Variants in ECM2 observed in about 807,000 individuals in gnomAD.
ECM2 encodes the protein extracellular matrix protein 2.
In ECM2, 57 loss-of-function variants were observed where a neutral mutation model predicts 67.5. The ratio of observed to expected loss-of-function variants is 0.84; its 90% CI spans 0.68 to 1.05. ECM2 has a LOEUF of 1.05. Ranked by LOEUF, ECM2 falls within the 50% of genes least tolerant of loss-of-function variation. The pLI, the probability that ECM2 is intolerant of heterozygous loss-of-function variation, is 0.00. For missense variants in ECM2, 741 were observed against 822.8 expected (o/e 0.90, Z 1.22); for synonymous variants, 258 against 294.5 (o/e 0.88, Z 1.27).
chr9:92,500,715 G>A lies in ECM2; in HGVS notation c.1931+12C>T. 6.3e-7 allele frequency: 1 copy of A among 1,594,646 alleles called. No individual in the cohort carries two copies. On this transcript the variant is annotated intron_variant, in intron 9 of 9. Transcript: ENST00000344604. ...AAAATTTAAACAGATACTTGAAAAA[G>A]CCAAAATTTACCGTATCTTGTTGTT...
At chr9:92,525,488 A>G (rs868743843) in intron 1 of ECM2, among the ~76,000 whole-genome samples, 1 of 152,236 alleles carries the variant, frequency 6.6e-6, no homozygotes, top group Non-Finnish European at 1.5e-5. Context: ...AATGGAGCTG[A>G]AAATCTCTTA....
At position 92,519,756 on chromosome 9, in the gene ECM2, G is replaced by C. The variant is rs540613190; in HGVS notation, c.293-1881C>G. ...AAAATCCATAGGGGAAAATCTTTAT[G>C]ACCTCATATTTGGCAGTGGATTCTT... On this transcript the variant is annotated intron_variant, in intron 2 of 9. Transcript: ENST00000344604. 2.6e-5 allele frequency among the ~76,000 whole-genome samples: 4 copies of C among 152,244 alleles called. No homozygotes were observed. In the East Asian group the frequency reaches 7.7e-4, roughly 29 times the overall value.
At position 92,500,998 on chromosome 9, in the gene ECM2, G is replaced by C; in HGVS notation, c.1660C>G (p.Leu554Val). Reference protein sequence around the residue: ...YNKLYHVPSYLPKSLLHLVLL... With the variant: ...YNKLYHVPSYVPKSLLHLVLL... ...ACTAGGTGCAGCAAGGACTTGGGTA[G>C]ATAGGACGGGACGTGATAGAGCTTG... The change falls in exon 9 of 10, where the codon CTA (leucine) becomes GTA (valine). Residue 554 changes from leucine to valine, a missense_variant. By Grantham distance (32) the Leu-to-Val change is conservative. Transcript: ENST00000344604. 1 of 1,614,204 alleles carries C rather than the reference G, an allele frequency of 6.2e-7. No homozygotes were observed. The highest frequency in any genetic ancestry group is 8.5e-7 in the Non-Finnish European group (1 of 1,180,046).
downstream of ECM2, chr9:92,494,198 G>C: frequency 3.8e-6 from 6 of 1,564,344 alleles, no homozygotes; most frequent in Non-Finnish European, 5.2e-6. Flanking sequence ...TTTAGTATCT[G>C]TCTCTGTGTC....
Position 92,513,988 on chromosome 9 carries a change from TA to T in ECM2, c.1054+642del, listed in dbSNP as rs1166541421. Among the ~76,000 whole-genome samples, 10 of 152,354 alleles carry T rather than the reference TA, an allele frequency of 6.6e-5. No homozygotes were observed. In the East Asian group the frequency reaches 1.9e-3, roughly 29 times the overall value. ...GATTTGGAGGAGTTTGCTTTATACCTAACTGCTATTCTGCAGTAAACAGCTA... is the reference window on the plus strand; with the variant it reads ...GATTTGGAGGAGTTTGCTTTATACCTACTGCTATTCTGCAGTAAACAGCTA... On this transcript the variant is annotated intron_variant, in intron 4 of 9. Coordinates refer to ENST00000344604, the MANE Select transcript of ECM2 (RefSeq NM_001393.4).
chr9:92,500,621 AT>A (rs999331068), intron 9 of ECM2, 105 bp downstream of exon 9: 802 of 1,159,834 alleles, frequency 6.9e-4, no homozygotes, highest in Middle Eastern at 1.4e-3. Flanking sequence ...CCTTAGCACC[AT>A]TTTTTTTTCC....
chr9:92,498,272 G>A (rs1261182478), intron 9 of ECM2, among the ~76,000 whole-genome samples: 3 of 152,024 alleles, frequency 2.0e-5, no homozygotes, highest in Non-Finnish European at 4.4e-5. Context: ...TTTAACCTAT[G>A]GGAAGGATCA....
upstream of ECM2, chr9:92,536,553 A>T (rs1588253213): frequency 6.5e-6 from 1 of 152,752 alleles, no homozygotes; most frequent in East Asian, 1.9e-4. Flanking sequence ...TCTAACCATG[A>T]AATAATAGAA....
At chr9:92,550,385 G>T in the ECM2 span, among the ~76,000 whole-genome samples, 8 of 131,144 alleles carry the variant, frequency 6.1e-5, no homozygotes, top group African/African-American at 2.9e-4. Flanking sequence ...GACAGAGTGA[G>T]ACTCTGTCTC....
At position 92,502,562 on chromosome 9, in the gene ECM2, T is replaced by C. The variant is rs764609712; in HGVS notation, c.1555A>G (p.Asn519Asp). 6.2e-7 allele frequency: 1 copy of C among 1,612,620 alleles called. No individual in the cohort carries two copies. Among genetic ancestry groups the C allele is most frequent in the Admixed American group, 1.7e-5 (1 of 59,766 alleles). ...RKINVIVLRY[N>D]KIEENRIAPL... ...GCAATCCTATTTTCTTCAATTTTGTTATAACGTAGTACAATGACATTGATC... is the reference window on the plus strand; with the variant it reads ...GCAATCCTATTTTCTTCAATTTTGTCATAACGTAGTACAATGACATTGATC... The change falls in exon 8 of 10, where the codon AAC becomes GAC. Residue 519 changes from asparagine (N) to aspartate (D), a missense_variant. Asn to Asp is a conservative substitution (Grantham distance 23). Coordinates refer to ENST00000344604, the MANE Select transcript of ECM2 (RefSeq NM_001393.4).
chr9:92,517,777 C>T lies in ECM2; in HGVS notation c.391G>A (p.Val131Ile). The T allele has an allele frequency of 6.2e-7, 1 of 1,614,226 alleles. No individual in the cohort carries two copies. Among genetic ancestry groups the T allele is most frequent in the Non-Finnish European group, 8.5e-7 (1 of 1,180,046 alleles). The part of the protein sequence containing the change: ...CTTCLCSDGR[V>I]LCDETMCHPQ... ...TGGCACATGGTTTCATCACAAAGAA[C>T]TCTTCCATCTGAGCAGAGGCAGGTA... is the stretch of plus-strand genomic sequence containing the variant. Residue 131 changes from valine (V) to isoleucine (I), a missense_variant, in exon 3 of 10, where the codon GTT becomes ATT. By Grantham distance (29) the Val-to-Ile change is conservative. Coordinates refer to ENST00000344604, the MANE Select transcript of ECM2 (RefSeq NM_001393.4).
chr9:92,551,941 A>ATAT, the ECM2 span, among the ~76,000 whole-genome samples: 1 of 64,712 alleles, frequency 1.5e-5, no homozygotes, highest in Admixed American at 1.2e-4. Flanking sequence ...ATATATATAT[A>ATAT]TATATATATA....
chr9:92,496,245 T>A lies in ECM2; in HGVS notation c.*70A>T, dbSNP rs1461645858. On this transcript the variant is annotated 3_prime_UTR_variant, in exon 10 of 10. Coordinates refer to ENST00000344604, the MANE Select transcript of ECM2 (RefSeq NM_001393.4). ...GTATAACAGGAGGATTATGTCTCTCTTATTAATGACAAATGCAGCTACTAC... is the reference window on the plus strand; with the variant it reads ...GTATAACAGGAGGATTATGTCTCTCATATTAATGACAAATGCAGCTACTAC... 6.6e-7 allele frequency: 1 copy of A among 1,506,616 alleles called. No individual in the cohort carries two copies. The highest frequency in any genetic ancestry group is 2.3e-5 in the Admixed American group (1 of 43,084). The allele number at this position is 1,506,616 out of a possible 1,614,324, so 93.3% of individuals were successfully genotyped here.
At chr9:92,522,534 C>A in intron 2 of ECM2, 41 bp downstream of exon 2, 1 of 1,512,798 alleles carries the variant, frequency 6.6e-7, no homozygotes, top group Non-Finnish European at 8.9e-7. Context: ...ATCTCTCACC[C>A]TCCTCCCTCT....
At position 92,496,482 on chromosome 9, in the gene ECM2, T is replaced by C. The variant is rs1487292571; in HGVS notation, c.1933A>G (p.Asn645Asp). The stretch of plus-strand genomic sequence containing the variant: ...TTGCAAATTTCTTCTGGAAGAATGT[T>C]CCTAAGGAAAAATAGACATGCAAGT... ...FLRLNNNKIRNILPEEICNAE... is the reference protein window; with the variant it reads ...FLRLNNNKIRDILPEEICNAE... The change falls in exon 10 of 10, where the codon AAC becomes GAC. Residue 645 changes from asparagine (N) to aspartate (D), a missense_variant and splice_region_variant. Coordinates refer to ENST00000344604, the MANE Select transcript of ECM2 (RefSeq NM_001393.4). 6.2e-7 allele frequency: 1 copy of C among 1,607,622 alleles called. No homozygotes were observed.
chr9:92,515,911 G>A (rs1847674429), intron 3 of ECM2, among the ~76,000 whole-genome samples: 1 of 152,136 alleles, frequency 6.6e-6, no homozygotes, highest in South Asian at 2.1e-4. Flanking sequence ...TTCCATGATG[G>A]TGGGAGTAGA....
intron 6 of ECM2, among the ~76,000 whole-genome samples, chr9:92,508,061 G>T (rs1434310871): frequency 6.6e-6 from 1 of 152,180 alleles, no homozygotes; most frequent in East Asian, 1.9e-4. Context: ...TGAGTGAGGA[G>T]CCACCCCAAG....
the ECM2 span, among the ~76,000 whole-genome samples, chr9:92,557,246 C>T: frequency 3.9e-5 from 6 of 152,170 alleles, no homozygotes; most frequent in African/African-American, 1.4e-4. Context: ...TCTCACAGCT[C>T]TTAGGATTCT....
chr9:92,556,416 G>A, the ECM2 span, among the ~76,000 whole-genome samples: 17 of 152,150 alleles, frequency 1.1e-4, no homozygotes, highest in Admixed American at 5.2e-4. Flanking sequence ...TTTGTTCCAA[G>A]GTATTGTAAC....
Sources: allele counts gnomAD v4.1 joint callset (sites outside exome capture counted in the v4.1 genomes callset), GRCh38; gene constraint gnomAD v4.1.1; transcripts MANE v1.5; gene names NCBI Gene and HGNC (gene_info 2026-07-23, HGNC 2026-07-21).